GPR19: variants seen among roughly 807,000 people sequenced by gnomAD.
GPR19 encodes the protein probable G protein-coupled receptor 19.
In GPR19, 14 loss-of-function variants were observed where a neutral mutation model predicts 28.5. The ratio of observed to expected loss-of-function variants is 0.49; its 90% confidence interval spans 0.32 to 0.77. The LOEUF is 0.77. Among genes scored for constraint, GPR19 ranks in the 30% least tolerant of loss-of-function variants. The pLI is 0.03. For missense variants in GPR19, 409 were observed against 504.1 expected, an observed-to-expected ratio of 0.81 and a Z score of 1.81; for synonymous variants, 173 against 184.1, an observed-to-expected ratio of 0.94 and a Z score of 0.49.
At chr12:12,681,978 A>G (rs1216467654) in intron 3 of GPR19, among the ~76,000 whole-genome samples, 1 of 152,192 alleles carries the variant, frequency 6.6e-6, no homozygotes, top group Non-Finnish European at 1.5e-5. Flanking sequence ...TCCCTAGGAA[A>G]TAGTCCTGCA....
At chr12:12,665,586 C>G (rs1191955529) in intron 3 of GPR19, among the ~76,000 whole-genome samples, 1 of 152,098 alleles carries the variant, frequency 6.6e-6, no homozygotes, top group Non-Finnish European at 1.5e-5. Flanking sequence ...CGCCTGTAAT[C>G]CCAGCACTTT....
intron 2 of GPR19, among the ~76,000 whole-genome samples, chr12:12,689,124 A>AAG (rs1491305894): frequency 6.6e-6 from 1 of 152,170 alleles, no homozygotes; most frequent in Non-Finnish European, 1.5e-5. Flanking sequence ...AAGCAGGACC[A>AAG]AGAGAGAGAG....
chr12:12,683,407 G>A (rs1162411182), intron 3 of GPR19, among the ~76,000 whole-genome samples: 2 of 152,224 alleles, frequency 1.3e-5, no homozygotes, highest in African/African-American at 2.4e-5. Flanking sequence ...ATATGAGCAG[G>A]CAAGCAGCAT....
At chr12:12,679,287 T>C (rs1443220104) in intron 3 of GPR19, among the ~76,000 whole-genome samples, 1 of 151,966 alleles carries the variant, frequency 6.6e-6, no homozygotes, top group Non-Finnish European at 1.5e-5. Context: ...AAGCCAAGGA[T>C]GCTGCTAAAC....
At chr12:12,702,237 T>C in the GPR19 span, among the ~76,000 whole-genome samples, 297 of 151,594 alleles carry the variant, frequency 2.0e-3, 5 homozygotes, top group East Asian at 0.014. Flanking sequence ...CCTAAAATAA[T>C]AGAATACTAA....
intron 3 of GPR19, among the ~76,000 whole-genome samples, chr12:12,676,717 C>A (rs1012259114): frequency 2.7e-5 from 4 of 150,680 alleles, no homozygotes; most frequent in Admixed American, 6.6e-5. Flanking sequence ...ATTTCTAGAA[C>A]CCCCGAGTGT....
chr12:12,696,466 G>A (rs1167114127), upstream of GPR19, among the ~76,000 whole-genome samples: 2 of 150,530 alleles, frequency 1.3e-5, no homozygotes, highest in Non-Finnish European at 2.9e-5. Context: ...ACAGGCTAGC[G>A]GCATTTCTCT....
chr12:12,692,321 G>T (rs1946193429), intron 2 of GPR19, among the ~76,000 whole-genome samples: 2 of 152,124 alleles, frequency 1.3e-5, no homozygotes, highest in African/African-American at 4.8e-5. Flanking sequence ...CCCTGCTGAA[G>T]TCTATTCCTC....
At chr12:12,711,186 C>T in the GPR19 span, among the ~76,000 whole-genome samples, 1 of 148,544 alleles carries the variant, frequency 6.7e-6, no homozygotes, top group East Asian at 2.1e-4. Context: ...CCCAGCTACT[C>T]GGGAGGCTGA....
Position 12,662,372 on chromosome 12 carries a change from C to T in GPR19, c.77G>A (p.Arg26His), listed in dbSNP as rs759560558. 57 of 1,614,038 alleles carry T rather than the reference C, an allele frequency of 3.5e-5. No individual in the cohort carries two copies. The highest frequency in any genetic ancestry group is 6.7e-5 in the African/African-American group (5 of 74,910). The change falls in exon 4 of 4, where the codon CGC (arginine) becomes CAC (histidine). Residue 26 changes from arginine (R) to histidine (H), a missense_variant. Coordinates refer to ENST00000651487, the MANE Select transcript of GPR19 (RefSeq NM_006143.3). ...IPTLLVPLQNRSCTETATPLP... is the reference protein window; with the variant it reads ...IPTLLVPLQNHSCTETATPLP... ...AGGTGTGGCTGTTTCAGTGCAGCTG[C>T]GGTTTTGGAGGGGCACCAGAAGTGT...
intron 2 of GPR19, among the ~76,000 whole-genome samples, chr12:12,685,554 G>A (rs748499919): frequency 5.3e-5 from 8 of 152,112 alleles, no homozygotes; most frequent in East Asian, 1.9e-4. Context: ...AAAACCGGTC[G>A]CCATGGGAGC....
chr12:12,711,174 A>G, the GPR19 span, among the ~76,000 whole-genome samples: 1 of 151,816 alleles, frequency 6.6e-6, no homozygotes, highest in Non-Finnish European at 1.5e-5. Flanking sequence ...CGTGCCTGCA[A>G]TCCCAGCTAC....
intron 3 of GPR19, chr12:12,669,088 T>C (rs552340923): frequency 5.9e-5 from 9 of 152,230 alleles, no homozygotes; most frequent in Non-Finnish European, 1.3e-4. Flanking sequence ...AAGAGAGGAA[T>C]ACAAAGTTAT....
In GPR19 at chr12:12,681,093, C is replaced by A. The variant is rs1340592029; in HGVS notation, c.-23+3258G>T. Among the ~76,000 whole-genome samples, 32 of 152,270 alleles carry A rather than the reference C, an allele frequency of 2.1e-4. No homozygotes were observed. In the East Asian group the frequency reaches 6.0e-3, roughly 29 times the overall value. ...GATTACAGGCGTGAGTTATGGCACT[C>A]AGCCTCCCTTTTTCTTTTTAAGCCA... On this transcript the variant is annotated intron_variant, in intron 3 of 3. Coordinates refer to ENST00000651487, the MANE Select transcript of GPR19 (RefSeq NM_006143.3).
At chr12:12,699,016 G>A (rs146281540), upstream of GPR19, among the ~76,000 whole-genome samples, 93 of 152,204 alleles carry the variant, frequency 6.1e-4, 1 homozygote, top group East Asian at 0.015. Flanking sequence ...GTCAGTATGA[G>A]CATTGAAATT....
chr12:12,681,924 G>A (rs1946029234), intron 3 of GPR19, among the ~76,000 whole-genome samples: 1 of 152,166 alleles, frequency 6.6e-6, no homozygotes, highest in Non-Finnish European at 1.5e-5. Flanking sequence ...GTTTGGGAAA[G>A]GTAGTCTGAC....
the GPR19 span, among the ~76,000 whole-genome samples, chr12:12,711,399 A>C: frequency 6.6e-6 from 1 of 152,090 alleles, no homozygotes; most frequent in East Asian, 1.9e-4. Flanking sequence ...GTGGCTTCCA[A>C]GGTTGCTCTA....
chr12:12,707,279 C>T, the GPR19 span, among the ~76,000 whole-genome samples: 1 of 152,224 alleles, frequency 6.6e-6, no homozygotes, highest in African/African-American at 2.4e-5. Flanking sequence ...CAGCATCTGC[C>T]TTCATTACCC....
intron 3 of GPR19, among the ~76,000 whole-genome samples, chr12:12,679,702 C>T (rs1485868717): frequency 6.6e-6 from 1 of 151,746 alleles, no homozygotes; most frequent in Non-Finnish European, 1.5e-5. Flanking sequence ...GGACATTCCC[C>T]GACCCCCACC....
Sources: allele counts gnomAD v4.1 joint callset (sites outside exome capture counted in the v4.1 genomes callset), GRCh38; gene constraint gnomAD v4.1.1; transcripts MANE v1.5; gene names NCBI Gene and HGNC (gene_info 2026-07-23, HGNC 2026-07-21).